The following ADAMTSL1 variants were observed in gnomAD, a reference collection of about 807,000 sequenced individuals.
The protein encoded by ADAMTSL1 is ADAMTS-like protein 1.
In ADAMTSL1, 126 loss-of-function variants were observed where a neutral mutation model predicts 201.8. The observed-to-expected ratio is 0.62, with a 90% CI of 0.54 to 0.72. The LOEUF is 0.72. Among genes scored for constraint, ADAMTSL1 ranks in the 30% least tolerant of loss-of-function variants. The pLI is 0.00. For missense variants in ADAMTSL1, 2,679 were observed against 2,277.8 expected (o/e 1.18, Z -3.59); for synonymous variants, 1,121 against 903.4 (o/e 1.24, Z -4.32).
At chr9:18,422,418 CTG>C (rs1398922566) in intron 2 of ADAMTSL1, among the ~76,000 whole-genome samples, 1 of 152,178 alleles carries the variant, frequency 6.6e-6, no homozygotes, top group African/African-American at 2.4e-5. Context: ...CATTGTGTTT[CTG>C]TGGCATTCAG....
At chr9:17,993,317 T>G (rs1306554623) in intron 1 of ADAMTSL1, among the ~76,000 whole-genome samples, 1 of 152,156 alleles carries the variant, frequency 6.6e-6, no homozygotes, top group Non-Finnish European at 1.5e-5. Context: ...ATCATGAATG[T>G]TTTTCTTCCT....
At chr9:17,934,122 G>C (rs17185553) in intron 1 of ADAMTSL1, among the ~76,000 whole-genome samples, 9,912 of 152,158 alleles carry the variant, frequency 0.065, 383 homozygotes, top group Middle Eastern at 0.12. Context: ...TGAGGACAAG[G>C]CACTATCACC....
chr9:18,850,471 G>A (rs950327148), intron 23 of ADAMTSL1, among the ~76,000 whole-genome samples: 3 of 152,226 alleles, frequency 2.0e-5, no homozygotes, highest in Admixed American at 6.5e-5. Flanking sequence ...CTGTAGAAGA[G>A]AGGGCAGGAT....
intron 2 of ADAMTSL1, among the ~76,000 whole-genome samples, chr9:18,419,709 CTG>C (rs150534202): frequency 0.018 from 2,739 of 150,236 alleles, 85 homozygotes; most frequent in African/African-American, 0.064. Flanking sequence ...AAATTGCACA[CTG>C]TATAATCTCA....
chr9:18,019,917 C>G (rs1820411600), intron 1 of ADAMTSL1, among the ~76,000 whole-genome samples: 1 of 152,068 alleles, frequency 6.6e-6, no homozygotes, highest in Non-Finnish European at 1.5e-5. Flanking sequence ...CAGGGTGTCC[C>G]TAACAGTTCC....
At chr9:18,138,481 T>C (rs1442971635) in intron 1 of ADAMTSL1, among the ~76,000 whole-genome samples, 1 of 152,058 alleles carries the variant, frequency 6.6e-6, no homozygotes, top group Non-Finnish European at 1.5e-5. Flanking sequence ...TTTTTGAAAA[T>C]TCATTTGCAT....
intron 26 of ADAMTSL1, 56 bp from the exon 27 acceptor site, chr9:18,905,726 G>T (rs536648695): frequency 1.4e-6 from 2 of 1,413,960 alleles, no homozygotes; most frequent in South Asian, 1.2e-5. Flanking sequence ...CAAGCACGGC[G>T]GCCTCCACCC....
chr9:18,093,006 G>C (rs945785363), intron 1 of ADAMTSL1, among the ~76,000 whole-genome samples: 9 of 152,150 alleles, frequency 5.9e-5, no homozygotes, highest in Admixed American at 2.6e-4. Context: ...TTTTGCAGCT[G>C]TGCCATATTT....
chr9:18,807,370 C>T (rs567330869), intron 20 of ADAMTSL1, among the ~76,000 whole-genome samples: 2 of 152,128 alleles, frequency 1.3e-5, no homozygotes, highest in Non-Finnish European at 1.5e-5. Context: ...ACAGGCCGGG[C>T]GCGGTAGCTC....
intron 9 of ADAMTSL1, among the ~76,000 whole-genome samples, chr9:18,669,581 G>A (rs562533064): frequency 1.3e-4 from 20 of 152,156 alleles, no homozygotes; most frequent in African/African-American, 2.9e-4. Context: ...AATATTTTCC[G>A]ATTTATGGGA....
chr9:18,295,125 A>C (rs1478398423), intron 2 of ADAMTSL1, among the ~76,000 whole-genome samples: 1 of 152,088 alleles, frequency 6.6e-6, no homozygotes, highest in Non-Finnish European at 1.5e-5. Flanking sequence ...TGTATGCTGC[A>C]CTATATAACA....
At chr9:18,431,430 T>G (rs1014885840) in intron 2 of ADAMTSL1, among the ~76,000 whole-genome samples, 6 of 152,226 alleles carry the variant, frequency 3.9e-5, no homozygotes, top group Admixed American at 1.3e-4. Flanking sequence ...GAGACAATTA[T>G]GAGCATCCTT....
chr9:18,530,002 A>G (rs937131440), intron 2 of ADAMTSL1, among the ~76,000 whole-genome samples: 2 of 152,162 alleles, frequency 1.3e-5, no homozygotes, highest in African/African-American at 4.8e-5. Context: ...TTATTCAGTG[A>G]TGCCTGTAAA....
At position 18,849,654 on chromosome 9, in the gene ADAMTSL1, G is replaced by A. The variant is rs72692442; in HGVS notation, c.4249+19677G>A. 8.4e-3 allele frequency among the ~76,000 whole-genome samples: 1,284 copies of A among 152,298 alleles called. 10 individuals are homozygous for A. Among genetic ancestry groups the A allele is most frequent in the Middle Eastern group, 0.017 (5 of 294 alleles). On this transcript the variant is annotated intron_variant, in intron 23 of 28. Coordinates refer to ENST00000380548, the MANE Select transcript of ADAMTSL1 (RefSeq NM_001040272.6). ...GAGGAGTGGGAAAGGAAGACGGAGG[G>A]AAAGGGAAGGACTCATGTCAAAGAG...
intron 2 of ADAMTSL1, among the ~76,000 whole-genome samples, chr9:18,420,239 G>C (rs921850778): frequency 2.0e-5 from 3 of 152,170 alleles, no homozygotes; most frequent in African/African-American, 7.2e-5. Flanking sequence ...GTTTGGCTAT[G>C]GCATTTATAG....
intron 2 of ADAMTSL1, among the ~76,000 whole-genome samples, chr9:18,330,950 C>T (rs1381129529): frequency 5.9e-5 from 9 of 152,082 alleles, no homozygotes; most frequent in Non-Finnish European, 1.3e-4. Flanking sequence ...AAGAAGCTTA[C>T]GTAGCTGGAG....
intron 1 of ADAMTSL1, among the ~76,000 whole-genome samples, chr9:17,997,761 C>A (rs956201115): frequency 6.6e-6 from 1 of 151,976 alleles, no homozygotes; most frequent in South Asian, 2.1e-4. Context: ...AATATGGTAG[C>A]ATTTCAAAAA....
At chr9:18,717,801 A>G (rs1302562299) in intron 14 of ADAMTSL1, among the ~76,000 whole-genome samples, 2 of 152,214 alleles carry the variant, frequency 1.3e-5, no homozygotes, top group Non-Finnish European at 2.9e-5. Context: ...GAAGCTTGAA[A>G]GTGATTAGAA....
At chr9:18,486,654 G>A (rs915981011) in intron 1 of ADAMTSL1, among the ~76,000 whole-genome samples, 4 of 152,170 alleles carry the variant, frequency 2.6e-5, no homozygotes, top group African/African-American at 7.2e-5. Context: ...GCAGTGAGCC[G>A]AGATTGTGTT....
Sources: allele counts gnomAD v4.1 joint callset (sites outside exome capture counted in the v4.1 genomes callset), GRCh38; gene constraint gnomAD v4.1.1; transcripts MANE v1.5; gene names NCBI Gene and HGNC (gene_info 2026-07-23, HGNC 2026-07-21).